ABCA8: variants seen among roughly 807,000 people sequenced by gnomAD.
The protein encoded by ABCA8 is ABC-type organic anion transporter ABCA8.
A neutral mutation model predicts 192.3 loss-of-function variants in ABCA8; 177 were observed. The observed-to-expected ratio is 0.92, with a 90% CI of 0.81 to 1.04. The LOEUF (loss-of-function observed/expected upper bound fraction) is 1.04. Among genes scored for constraint, ABCA8 ranks in the 50% least tolerant of loss-of-function variants. The pLI is 0.00. For synonymous variants in ABCA8, 642 were observed against 690.2 expected (o/e 0.93, Z 1.09); for missense variants, 1,915 against 1,904.8 (o/e 1.01, Z -0.10).
chr17:68,872,467 A>G (rs1337862027), intron 37 of ABCA8, among the ~76,000 whole-genome samples: 2 of 149,986 alleles, frequency 1.3e-5, no homozygotes, highest in African/African-American at 2.4e-5. Flanking sequence ...CGGGAGATAT[A>G]CCTAATGCTA....
intron 2 of ABCA8, among the ~76,000 whole-genome samples, chr17:68,949,062 T>C (rs2068496069): frequency 6.6e-6 from 1 of 152,160 alleles, no homozygotes; most frequent in Admixed American, 6.5e-5. Flanking sequence ...AGATGCGTGG[T>C]GTAATTTCTG....
At chr17:68,954,100 T>G (rs2068646895) in intron 1 of ABCA8, among the ~76,000 whole-genome samples, 1 of 151,442 alleles carries the variant, frequency 6.6e-6, no homozygotes, top group Non-Finnish European at 1.5e-5. Context: ...GTTAGTTACA[T>G]ATGTATACAT....
chr17:68,875,578 C>T (rs1429052350), intron 36 of ABCA8, 36 bp downstream of exon 36: 1 of 1,608,186 alleles, frequency 6.2e-7, no homozygotes, highest in African/African-American at 1.3e-5. Context: ...AGCAATGCAC[C>T]TTGGGCTCAA....
chr17:68,878,195 T>C lies in ABCA8; in HGVS notation c.4039-516A>G, dbSNP rs181872997. On this transcript the variant is annotated intron_variant, in intron 32 of 39. Coordinates refer to ENST00000586539, the MANE Select transcript of ABCA8 (RefSeq NM_001288985.2). ...AGACAGATCAAAAGTGGTGCTGTTA[T>C]GGAAATTCAGGAGGCTGGGGTAAGA... The C allele has an allele frequency of 4.6e-5, 7 of 152,304 alleles. No individual in the cohort carries two copies. The East Asian group carries it at 1.4e-3, about 29-fold the overall frequency. 9.4% of individuals were successfully genotyped at this position (152,304 alleles called of 1,614,324 possible). A position where few individuals can be genotyped will look rare whatever the true frequency, so the allele number is the denominator to read the frequency against.
intron 38 of ABCA8, 125 bp downstream of exon 38, chr17:68,869,575 A>G (rs981119099): frequency 1.6e-5 from 12 of 730,952 alleles, no homozygotes; most frequent in Non-Finnish European, 2.4e-5. Flanking sequence ...CTAAAATTCA[A>G]TTTGAGACTG....
intron 10 of ABCA8, 151 bp from the exon 11 acceptor site, chr17:68,925,020 C>T (rs1209001485): frequency 1.6e-6 from 1 of 619,920 alleles, no homozygotes; most frequent in Non-Finnish European, 2.6e-6. Flanking sequence ...CATGTAGCTT[C>T]ATAAGGAAAA....
At chr17:68,875,754 T>G (rs529427949) in intron 35 of ABCA8, 21 bp from the exon 36 acceptor site, 2 of 1,598,360 alleles carry the variant, frequency 1.3e-6, no homozygotes, top group Admixed American at 3.6e-5. Context: ...AAGAGATTAT[T>G]TGCAATTTAG....
At chr17:68,882,540 T>TTA in intron 30 of ABCA8, 59 bp downstream of exon 30, 1 of 1,467,864 alleles carries the variant, frequency 6.8e-7, no homozygotes, top group Non-Finnish European at 9.1e-7. Context: ...AAACTCAAAA[T>TTA]CATTAGAGAA....
intron 27 of ABCA8, 127 bp from the exon 28 acceptor site, chr17:68,884,523 C>T (rs946645572): frequency 7.3e-7 from 1 of 1,377,442 alleles, no homozygotes; most frequent in Non-Finnish European, 9.4e-7. Flanking sequence ...AGTGTCCTTT[C>T]TAAAGTGTAT....
intron 24 of ABCA8, among the ~76,000 whole-genome samples, 178 bp from the exon 25 acceptor site, chr17:68,887,684 A>ACTACATTGATGTTCATCACACAC (rs2066501007): frequency 6.6e-6 from 1 of 151,852 alleles, no homozygotes; most frequent in African/African-American, 2.4e-5. Context: ...GCTTTAATGA[A>ACTACATTGATGTTCATCACACAC]CTACATTGAT....
chr17:68,894,568 G>A (rs1485029317), intron 22 of ABCA8, among the ~76,000 whole-genome samples: 1 of 152,168 alleles, frequency 6.6e-6, no homozygotes, highest in Non-Finnish European at 1.5e-5. Flanking sequence ...TATGTTCAGT[G>A]TTTATTGTTT....
chr17:68,906,132 G>A lies in ABCA8; in HGVS notation c.2310C>T (p.Asp770=). The A allele has an allele frequency of 1.3e-6, 2 of 1,596,640 alleles. No homozygotes were observed. Among genetic ancestry groups the A allele is most frequent in the Non-Finnish European group, 1.7e-6 (2 of 1,172,096 alleles). The stretch of plus-strand genomic sequence containing the variant: ...AAACACCATAATTCTCAATTCCTAG[G>A]TCAGGATAGCTATCAAGATCCTTGT... ...ELYKDLDSYP[D]LGIENYGVSM... The change falls in exon 19 of 40, where the codon GAC becomes GAT. Residue 770 remains aspartate (D), a synonymous_variant. Coordinates refer to ENST00000586539, the MANE Select transcript of ABCA8 (RefSeq NM_001288985.2).
At chr17:68,878,474 G>A (rs551544905) in intron 32 of ABCA8, 3 of 152,258 alleles carry the variant, frequency 2.0e-5, no homozygotes, top group Admixed American at 2.0e-4. Flanking sequence ...GCAGGGATGT[G>A]TCCTTCCAGC....
At chr17:68,899,846 T>C (rs1172953767) in intron 21 of ABCA8, among the ~76,000 whole-genome samples, 2 of 152,096 alleles carry the variant, frequency 1.3e-5, no homozygotes, top group East Asian at 3.8e-4. Flanking sequence ...TACTCCTAAA[T>C]AACCAATGAG....
intron 17 of ABCA8, among the ~76,000 whole-genome samples, chr17:68,916,905 T>A (rs1037330590): frequency 3.3e-5 from 5 of 152,250 alleles, no homozygotes; most frequent in Admixed American, 2.0e-4. Flanking sequence ...GATCAATATC[T>A]CTTACATATA....
chr17:68,897,091 G>A (rs2066784004), intron 21 of ABCA8, among the ~76,000 whole-genome samples: 1 of 152,158 alleles, frequency 6.6e-6, no homozygotes, highest in Admixed American at 6.5e-5. Flanking sequence ...GGGAATTACT[G>A]TAATTGGATC....
chr17:68,914,725 A>G (rs2067311860), intron 17 of ABCA8, among the ~76,000 whole-genome samples: 1 of 152,188 alleles, frequency 6.6e-6, no homozygotes, highest in African/African-American at 2.4e-5. Flanking sequence ...ACCCAAAGCA[A>G]TCTACTTATT....
chr17:68,920,878 C>A (rs1286851464), intron 13 of ABCA8, among the ~76,000 whole-genome samples: 2 of 152,076 alleles, frequency 1.3e-5, no homozygotes, highest in Non-Finnish European at 2.9e-5. Flanking sequence ...ATAAATCATG[C>A]TGCTATAAAG....
At chr17:68,921,587 G>T (rs1327088567) in intron 12 of ABCA8, 95 bp from the exon 13 acceptor site, 6 of 643,550 alleles carry the variant, frequency 9.3e-6, no homozygotes, top group Non-Finnish European at 1.5e-5. Context: ...CCAATGAATT[G>T]TTATTAATTC....
Sources: gnomAD v4.1 joint callset for allele counts (sites outside exome capture counted in the v4.1 genomes callset) on GRCh38, gnomAD v4.1.1 for gene constraint, MANE v1.5 for transcripts, NCBI Gene and HGNC (gene_info 2026-07-23, HGNC 2026-07-21) for gene names.